Variants in FHIP1A observed in about 807,000 individuals in gnomAD.
FHIP1A encodes FHF complex subunit HOOK-interacting protein 1A.
In FHIP1A, 61 loss-of-function variants were observed where a neutral mutation model predicts 88.6. That is an observed-to-expected ratio of 0.69 (90% CI 0.56 to 0.85). The LOEUF (loss-of-function observed/expected upper bound fraction) is 0.85, where lower values mean the gene tolerates loss of function less well. Among genes scored for constraint, FHIP1A ranks in the 40% least tolerant of loss-of-function variants. The pLI is 0.00. For synonymous variants in FHIP1A, 478 were observed against 496.0 expected, an observed-to-expected ratio of 0.96 and a Z score of 0.48; for missense variants, 1,154 against 1,273.5, an observed-to-expected ratio of 0.91 and a Z score of 1.43.
chr4:151,604,327 T>G (rs1459012629), intron 7 of FHIP1A, among the ~76,000 whole-genome samples: 1 of 152,056 alleles, frequency 6.6e-6, no homozygotes, highest in Non-Finnish European at 1.5e-5. Flanking sequence ...GCTTCCCTGC[T>G]CTTTCCTGAA....
chr4:151,489,800 T>C (rs1409886177), intron 3 of FHIP1A, among the ~76,000 whole-genome samples: 1 of 152,076 alleles, frequency 6.6e-6, no homozygotes, highest in Non-Finnish European at 1.5e-5. Flanking sequence ...TCCTCCTCAG[T>C]GGCCGCAGCA....
chr4:151,632,570 A>G (rs992925550), intron 8 of FHIP1A, among the ~76,000 whole-genome samples: 2 of 152,126 alleles, frequency 1.3e-5, no homozygotes, highest in Non-Finnish European at 2.9e-5. Flanking sequence ...TCTCCAGGAT[A>G]GACCACTTGT....
chr4:151,414,083 C>T (rs891178059), intron 1 of FHIP1A, among the ~76,000 whole-genome samples: 1 of 151,794 alleles, frequency 6.6e-6, no homozygotes, highest in Non-Finnish European at 1.5e-5. Context: ...CGGAGTCTCA[C>T]TCTGTCGCCC....
intron 1 of FHIP1A, among the ~76,000 whole-genome samples, chr4:151,428,174 A>T (rs987236312): frequency 6.6e-6 from 1 of 152,124 alleles, no homozygotes; most frequent in Admixed American, 6.6e-5. Context: ...ACAATTTTTC[A>T]GGAACACACA....
At chr4:151,631,152 G>A (rs1736143386) in intron 8 of FHIP1A, among the ~76,000 whole-genome samples, 1 of 151,914 alleles carries the variant, frequency 6.6e-6, no homozygotes, top group African/African-American at 2.4e-5. Context: ...GATTAGAGCA[G>A]AAATTAATGA....
chr4:151,525,068 A>G (rs1646128481), intron 3 of FHIP1A, among the ~76,000 whole-genome samples: 1 of 152,162 alleles, frequency 6.6e-6, no homozygotes, highest in South Asian at 2.1e-4. Context: ...CTCTCATCCC[A>G]TACTTATGTG....
chr4:151,570,158 T>A (rs145045538), intron 4 of FHIP1A, among the ~76,000 whole-genome samples: 1 of 152,246 alleles, frequency 6.6e-6, no homozygotes, highest in African/African-American at 2.4e-5. Context: ...CTTCTGTTAC[T>A]CTCTGCCTCT....
In FHIP1A at chr4:151,577,806, C is replaced by T. The variant is rs1374092033; in HGVS notation, c.462C>T (p.Thr154=). 1.3e-6 allele frequency: 2 copies of T among 1,552,064 alleles called. No individual in the cohort carries two copies. Among genetic ancestry groups the T allele is most frequent in the Admixed American group, 2.0e-5 (1 of 51,002 alleles). ...MMLLSSCSGT[T]TPTVEEKLVV... ...TGCTGAGCTCTTGTTCAGGAACAAC[C>T]ACCCCCACTGTGGAGGAGAAGCTGG... Residue 154 remains threonine (T), a synonymous_variant, in exon 5 of 14, where the codon ACC becomes ACT. Coordinates refer to ENST00000435205, the MANE Select transcript of FHIP1A (RefSeq NM_001109977.3).
At chr4:151,592,802 A>C (rs920316936) in intron 7 of FHIP1A, among the ~76,000 whole-genome samples, 2 of 152,108 alleles carry the variant, frequency 1.3e-5, no homozygotes, top group African/African-American at 4.8e-5. Flanking sequence ...TTTTGTTGCC[A>C]TTGCTTTTGA....
intron 1 of FHIP1A, among the ~76,000 whole-genome samples, chr4:151,447,814 A>G (rs2126574010): frequency 6.6e-6 from 1 of 152,348 alleles, no homozygotes; most frequent in South Asian, 2.1e-4. Flanking sequence ...ATGTGAAGTT[A>G]TAATGAGAAG....
At chr4:151,637,763 A>C (rs1449019828) in intron 8 of FHIP1A, among the ~76,000 whole-genome samples, 2 of 152,208 alleles carry the variant, frequency 1.3e-5, no homozygotes, top group African/African-American at 4.8e-5. Context: ...GAATGGGAAC[A>C]GAGTATGTTG....
At chr4:151,441,078 C>T (rs535832619) in intron 1 of FHIP1A, among the ~76,000 whole-genome samples, 24 of 152,230 alleles carry the variant, frequency 1.6e-4, no homozygotes, top group African/African-American at 5.3e-4. Context: ...TGTTTCTGGG[C>T]TCCCAAACAC....
At chr4:151,632,389 A>G (rs1360852547) in intron 8 of FHIP1A, among the ~76,000 whole-genome samples, 1 of 151,984 alleles carries the variant, frequency 6.6e-6, no homozygotes, top group Non-Finnish European at 1.5e-5. Context: ...CAATAATAGT[A>G]GGAGACTTCA....
intron 1 of FHIP1A, among the ~76,000 whole-genome samples, chr4:151,446,751 T>C (rs1298065227): frequency 4.6e-5 from 7 of 152,112 alleles, no homozygotes; most frequent in Non-Finnish European, 2.9e-5. Flanking sequence ...CAGAATGTTT[T>C]CCTTAGAGTG....
intron 3 of FHIP1A, among the ~76,000 whole-genome samples, chr4:151,491,646 A>G (rs906191002): frequency 1.3e-5 from 2 of 152,192 alleles, no homozygotes; most frequent in African/African-American, 4.8e-5. Flanking sequence ...TCATATCTCA[A>G]TACTAACGTT....
intron 9 of FHIP1A, 146 bp from the exon 10 acceptor site, chr4:151,646,412 C>T: frequency 1.7e-6 from 1 of 580,976 alleles, no homozygotes; most frequent in South Asian, 2.3e-5. Context: ...GGAGTGAACC[C>T]TGGTGGCTGG....
rs368096279 is a variant in FHIP1A, at chr4:151,664,775, G to A, written c.*2021G>A. ...ACTTACAAAGTCATAAAATGCCAACGCCACATCTGTAAATGGAATTCTTTA... is the reference window on the plus strand; with the variant it reads ...ACTTACAAAGTCATAAAATGCCAACACCACATCTGTAAATGGAATTCTTTA... On this transcript the variant is annotated 3_prime_UTR_variant, in exon 14 of 14. Coordinates refer to ENST00000435205, the MANE Select transcript of FHIP1A (RefSeq NM_001109977.3). Among the ~76,000 whole-genome samples, 60 of 152,304 alleles carry A rather than the reference G, an allele frequency of 3.9e-4. No individual in the cohort carries two copies. Among genetic ancestry groups the A allele is most frequent in the East Asian group, 2.5e-3 (13 of 5,186 alleles).
At chr4:151,655,210 GCAT>G (rs1385229501) in intron 11 of FHIP1A, among the ~76,000 whole-genome samples, 3 of 152,212 alleles carry the variant, frequency 2.0e-5, no homozygotes, top group African/African-American at 7.2e-5. Context: ...TGGTTTAGTA[GCAT>G]CATCAATAGC....
chr4:151,636,625 AAAG>A (rs1736365414), intron 8 of FHIP1A, among the ~76,000 whole-genome samples: 1 of 152,064 alleles, frequency 6.6e-6, no homozygotes, highest in African/African-American at 2.4e-5. Context: ...AATTTTTACA[AAAG>A]AAGTGCAAAA....
Sources: allele counts gnomAD v4.1 joint callset (sites outside exome capture counted in the v4.1 genomes callset), GRCh38; gene constraint gnomAD v4.1.1; transcripts MANE v1.5; gene names NCBI Gene and HGNC (gene_info 2026-07-23, HGNC 2026-07-21).